Variants in CENPP observed in about 807,000 individuals in gnomAD.
The protein encoded by CENPP is centromere protein P.
CENPP carries 24 observed loss-of-function variants against 35.6 expected under a neutral mutation model. That is an observed-to-expected ratio of 0.67 (90% CI 0.49 to 0.95). CENPP has a LOEUF of 0.95. Among genes scored for constraint, CENPP ranks in the 40% least tolerant of loss-of-function variants. CENPP has a pLI of 0.00. For missense variants in CENPP, 332 were observed against 345.3 expected (o/e 0.96, Z 0.31); for synonymous variants, 120 against 125.5 (o/e 0.96, Z 0.29).
At chr9:92,394,854 G>A (rs1004427454) in intron 5 of CENPP, among the ~76,000 whole-genome samples, 2 of 151,986 alleles carry the variant, frequency 1.3e-5, no homozygotes, top group East Asian at 1.9e-4. Flanking sequence ...TGATCTGCCC[G>A]CCTCAGCCTC....
At position 92,611,560 on chromosome 9, in the gene CENPP, G is replaced by A. The variant is rs531768526; in HGVS notation, c.644+167G>A. Among the ~76,000 whole-genome samples the A allele has an allele frequency of 1.1e-4, 16 of 152,286 alleles. No individual in the cohort carries two copies. In the South Asian group the frequency reaches 2.1e-3, roughly 20 times the overall value. ...GCAGATATGCCCAGTATGGGGGTGCGGGGAGCTGGAGCTCTGGAGGATGTG... is the reference window on the plus strand; with the variant it reads ...GCAGATATGCCCAGTATGGGGGTGCAGGGAGCTGGAGCTCTGGAGGATGTG... On this transcript the variant is annotated intron_variant, in intron 6 of 7. Transcript: ENST00000375587.
At chr9:92,472,569 A>G (rs1396115322) in intron 5 of CENPP, among the ~76,000 whole-genome samples, 1 of 151,788 alleles carries the variant, frequency 6.6e-6, no homozygotes, top group Non-Finnish European at 1.5e-5. Flanking sequence ...GAAGCAGGAA[A>G]ATCGCTTGAA....
intron 5 of CENPP, among the ~76,000 whole-genome samples, chr9:92,542,267 A>G (rs1849334713): frequency 6.6e-6 from 1 of 152,112 alleles, no homozygotes. Flanking sequence ...TCTTGCTATC[A>G]AGTTCCTTAT....
At chr9:92,399,569 T>C (rs1038504442) in intron 5 of CENPP, among the ~76,000 whole-genome samples, 1 of 152,226 alleles carries the variant, frequency 6.6e-6, no homozygotes, top group East Asian at 1.9e-4. Flanking sequence ...AAATTTATTG[T>C]TCTGTTCTAT....
chr9:92,523,817 G>A (rs1848222517), intron 5 of CENPP, among the ~76,000 whole-genome samples: 1 of 152,200 alleles, frequency 6.6e-6, no homozygotes, highest in South Asian at 2.1e-4. Context: ...AGATAAGAGA[G>A]CAGGTTGCAC....
intron 5 of CENPP, among the ~76,000 whole-genome samples, chr9:92,426,164 G>T (rs1321693516): frequency 6.6e-6 from 1 of 152,086 alleles, no homozygotes; most frequent in Non-Finnish European, 1.5e-5. Context: ...TTAGAGTCAG[G>T]CCTTAAAGGA....
In CENPP at chr9:92,417,419, T is replaced by G. The variant is rs372953488; in HGVS notation, c.564+37560T>G. ...AAAAGGAACTCCGTAGTCTACATTT[T>G]GACGAAATGGGAATCCTGTTTGGTA... On this transcript the variant is annotated intron_variant, in intron 5 of 7. Coordinates refer to ENST00000375587, the MANE Select transcript of CENPP (RefSeq NM_001012267.3). 8 of 1,613,994 alleles carry G rather than the reference T, an allele frequency of 5.0e-6. No homozygotes were observed. Among genetic ancestry groups the G allele is most frequent in the Non-Finnish European group, 6.8e-6 (8 of 1,179,998 alleles).
intron 5 of CENPP, among the ~76,000 whole-genome samples, chr9:92,446,144 T>C (rs527882575): frequency 4.6e-5 from 7 of 152,334 alleles, no homozygotes; most frequent in Non-Finnish European, 1.0e-4. Flanking sequence ...TGATTGTGCC[T>C]TGACTGTAAA....
In CENPP at chr9:92,505,558, G is replaced by A. The variant is rs769232573; in HGVS notation, c.565-105756G>A. ...CTCAATAGAACCAGGAAGACCCTGC[G>A]GTATAATTCTAAATTTATTTTTTCC... On this transcript the variant is annotated intron_variant, in intron 5 of 7. Transcript: ENST00000375587. 2.5e-6 allele frequency: 4 copies of A among 1,602,898 alleles called. No individual in the cohort carries two copies. The highest frequency in any genetic ancestry group is 2.2e-5 in the East Asian group (1 of 44,722).
At chr9:92,483,402 G>T (rs1392654496) in intron 5 of CENPP, among the ~76,000 whole-genome samples, 1 of 151,926 alleles carries the variant, frequency 6.6e-6, no homozygotes, top group South Asian at 2.1e-4. Context: ...CTAATTTTTT[G>T]GTTTTTTAAT....
At chr9:92,521,554 T>C (rs1012842810) in intron 5 of CENPP, among the ~76,000 whole-genome samples, 3 of 152,204 alleles carry the variant, frequency 2.0e-5, no homozygotes, top group Non-Finnish European at 4.4e-5. Context: ...CACAGAACAT[T>C]ATATGGTGAT....
chr9:92,536,616 A>G (rs1380982361), intron 5 of CENPP: 1 of 152,418 alleles, frequency 6.6e-6, no homozygotes, highest in African/African-American at 2.4e-5. Context: ...ACGCTGGCAA[A>G]TTAGTTGTGT....
At chr9:92,417,582 A>G (rs1013099278) in intron 5 of CENPP, 14 of 1,392,934 alleles carry the variant, frequency 1.0e-5, no homozygotes, top group South Asian at 1.3e-5. Context: ...TTCCTATTGC[A>G]AGGAGAAAAG....
intron 5 of CENPP, among the ~76,000 whole-genome samples, chr9:92,425,366 C>G (rs1843937460): frequency 6.6e-6 from 1 of 152,152 alleles, no homozygotes; most frequent in Non-Finnish European, 1.5e-5. Context: ...GCTTATGTTA[C>G]TCAATAGCTA....
chr9:92,488,403 G>T (rs1846109354), intron 5 of CENPP, among the ~76,000 whole-genome samples: 2 of 152,144 alleles, frequency 1.3e-5, no homozygotes, highest in African/African-American at 2.4e-5. Flanking sequence ...GTTAGACAGG[G>T]ATTCTTAACT....
intron 3 of CENPP, among the ~76,000 whole-genome samples, chr9:92,339,073 G>A (rs1046693736): frequency 6.6e-6 from 1 of 152,222 alleles, no homozygotes; most frequent in Non-Finnish European, 1.5e-5. Context: ...GGTTTTGCCA[G>A]TTGGGCCAAC....
intron 5 of CENPP, among the ~76,000 whole-genome samples, chr9:92,597,756 A>G (rs950032864): frequency 3.9e-5 from 6 of 152,234 alleles, no homozygotes; most frequent in African/African-American, 1.4e-4. Context: ...TCAAAGCTTA[A>G]AATTACTACA....
intron 5 of CENPP, among the ~76,000 whole-genome samples, chr9:92,410,614 C>T (rs543184766): frequency 7.9e-5 from 12 of 152,168 alleles, no homozygotes; most frequent in African/African-American, 2.4e-5. Flanking sequence ...TTAGTAGTCT[C>T]TCTTGTCCAC....
At chr9:92,493,666 G>C (rs557921090) in intron 5 of CENPP, 1 of 154,760 alleles carries the variant, frequency 6.5e-6, no homozygotes, top group Admixed American at 6.5e-5. Flanking sequence ...TGTGAAGAGT[G>C]TTTGCTATAA....
Sources: allele counts gnomAD v4.1 joint callset (sites outside exome capture counted in the v4.1 genomes callset), GRCh38; gene constraint gnomAD v4.1.1; transcripts MANE v1.5; gene names NCBI Gene and HGNC (gene_info 2026-07-23, HGNC 2026-07-21).